CNTNAP2: variants seen among roughly 807,000 people sequenced by gnomAD.
CNTNAP2 encodes contactin associated protein 2.
Under a neutral mutation model 155.2 loss-of-function variants are expected in CNTNAP2, and 98 were observed. The ratio of observed to expected loss-of-function variants is 0.63; its 90% CI spans 0.54 to 0.75. The LOEUF (loss-of-function observed/expected upper bound fraction) is 0.75, where lower values mean the gene tolerates loss of function less well. Among genes scored for constraint, CNTNAP2 ranks in the 30% least tolerant of loss-of-function variants. The probability of loss-of-function intolerance (pLI) is 0.00; values close to 1 mark genes in which losing one functional copy is unlikely to be tolerated. For missense variants in CNTNAP2, 1,727 were observed against 1,688.1 expected (o/e 1.02, Z -0.40); for synonymous variants, 651 against 631.2 (o/e 1.03, Z -0.47).
chr7:147,499,901 G>C (rs534076831), intron 11 of CNTNAP2, among the ~76,000 whole-genome samples: 43 of 152,300 alleles, frequency 2.8e-4, no homozygotes, highest in African/African-American at 1.0e-3. Context: ...TGGACAAATA[G>C]AGGGCTTTAT....
At chr7:147,293,569 C>T (rs1805357607) in intron 8 of CNTNAP2, among the ~76,000 whole-genome samples, 1 of 152,104 alleles carries the variant, frequency 6.6e-6, no homozygotes, top group Non-Finnish European at 1.5e-5. Context: ...GAATATTGAT[C>T]ACAAGACTGA....
At chr7:146,344,732 C>T (rs112002162) in intron 1 of CNTNAP2, among the ~76,000 whole-genome samples, 139 of 152,306 alleles carry the variant, frequency 9.1e-4, no homozygotes, top group African/African-American at 3.0e-3. Flanking sequence ...CCCACCTCGG[C>T]CTCCCAAAGT....
intron 12 of CNTNAP2, among the ~76,000 whole-genome samples, chr7:147,636,603 C>T (rs1312594326): frequency 6.6e-6 from 1 of 152,022 alleles, no homozygotes; most frequent in Non-Finnish European, 1.5e-5. Context: ...TTACCCTGCA[C>T]CCCCCAACAA....
At chr7:147,962,915 T>C (rs371252268) in intron 14 of CNTNAP2, among the ~76,000 whole-genome samples, 4 of 152,166 alleles carry the variant, frequency 2.6e-5, no homozygotes, top group African/African-American at 9.7e-5. Context: ...AAAATATGGA[T>C]GTCATAAATT....
chr7:148,369,112 G>C (rs1041460148), intron 21 of CNTNAP2, among the ~76,000 whole-genome samples: 1 of 148,972 alleles, frequency 6.7e-6, no homozygotes, highest in Non-Finnish European at 1.5e-5. Context: ...CTAATACATG[G>C]TAATAACCCC....
At chr7:148,413,401 A>AATAT (rs1226281346) in intron 23 of CNTNAP2, among the ~76,000 whole-genome samples, 12 of 45,296 alleles carry the variant, frequency 2.6e-4, no homozygotes, top group African/African-American at 5.1e-4. Flanking sequence ...TCAAAAAAAA[A>AATAT]ATATATATAT....
chr7:147,323,851 T>C (rs1317487483), intron 9 of CNTNAP2, among the ~76,000 whole-genome samples: 1 of 151,398 alleles, frequency 6.6e-6, no homozygotes, highest in Middle Eastern at 3.4e-3. Flanking sequence ...CCAATCATAT[T>C]TCTGTTCTCC....
intron 1 of CNTNAP2, among the ~76,000 whole-genome samples, chr7:146,293,326 A>T (rs1048292980): frequency 2.6e-5 from 4 of 152,162 alleles, no homozygotes; most frequent in African/African-American, 9.7e-5. Flanking sequence ...GAAGTTGTTC[A>T]GTTTTAGACC....
intron 21 of CNTNAP2, among the ~76,000 whole-genome samples, chr7:148,373,085 A>G (rs1798919635): frequency 6.6e-6 from 1 of 152,138 alleles, no homozygotes; most frequent in South Asian, 2.1e-4. Flanking sequence ...TCCTGTGATA[A>G]CAATGCCTTC....
intron 9 of CNTNAP2, among the ~76,000 whole-genome samples, chr7:147,304,404 G>A (rs750960492): frequency 1.2e-4 from 18 of 152,254 alleles, no homozygotes; most frequent in East Asian, 3.9e-4. Context: ...GACTGTTTAC[G>A]TGGTAATAAG....
chr7:147,118,941 A>G (rs996134639), intron 5 of CNTNAP2, among the ~76,000 whole-genome samples: 1 of 152,210 alleles, frequency 6.6e-6, no homozygotes, highest in Non-Finnish European at 1.5e-5. Flanking sequence ...TCTTCATAAT[A>G]TTCTCTGCTT....
intron 15 of CNTNAP2, among the ~76,000 whole-genome samples, chr7:148,051,249 G>A (rs1585098091): frequency 6.6e-6 from 1 of 152,202 alleles, no homozygotes; most frequent in East Asian, 1.9e-4. Flanking sequence ...TATCATTTTT[G>A]TATTAAGTTG....
chr7:146,317,116 A>G (rs1800920564), intron 1 of CNTNAP2, among the ~76,000 whole-genome samples: 1 of 152,214 alleles, frequency 6.6e-6, no homozygotes. Context: ...ATTTATTCAT[A>G]TACATTTTAA....
intron 1 of CNTNAP2, among the ~76,000 whole-genome samples, chr7:146,189,807 T>G (rs1798676163): frequency 6.6e-6 from 1 of 152,228 alleles, no homozygotes; most frequent in Non-Finnish European, 1.5e-5. Flanking sequence ...TCATTTAATG[T>G]AATCATTTGA....
chr7:146,153,025 T>C (rs951947385), intron 1 of CNTNAP2, among the ~76,000 whole-genome samples: 1 of 152,198 alleles, frequency 6.6e-6, no homozygotes, highest in South Asian at 2.1e-4. Context: ...TTGGTACTTG[T>C]CCTCATAGGG....
intron 14 of CNTNAP2, among the ~76,000 whole-genome samples, chr7:147,929,600 T>C (rs1437326303): frequency 6.6e-6 from 1 of 152,226 alleles, no homozygotes; most frequent in Non-Finnish European, 1.5e-5. Flanking sequence ...TTCTGGTTTT[T>C]GCAAATAGTA....
At chr7:146,891,380 G>A (rs1250575866) in intron 3 of CNTNAP2, among the ~76,000 whole-genome samples, 2 of 152,020 alleles carry the variant, frequency 1.3e-5, no homozygotes, top group South Asian at 2.1e-4. Context: ...ACATCTGCAC[G>A]TATACCCCCG....
intron 15 of CNTNAP2, among the ~76,000 whole-genome samples, chr7:148,111,748 G>A (rs77443174): frequency 0.012 from 1,871 of 152,260 alleles, 28 homozygotes; most frequent in South Asian, 0.042. Context: ...TTGCTTTCCC[G>A]GTAGCAGCCC....
chr7:146,182,772 C>T (rs578208494), intron 1 of CNTNAP2, among the ~76,000 whole-genome samples: 2 of 152,256 alleles, frequency 1.3e-5, no homozygotes, highest in South Asian at 4.1e-4. Context: ...CTGATCCAGC[C>T]TCACACATCG....
Sources: gnomAD v4.1 joint callset for allele counts (sites outside exome capture counted in the v4.1 genomes callset) on GRCh38, gnomAD v4.1.1 for gene constraint, MANE v1.5 for transcripts, NCBI Gene and HGNC (gene_info 2026-07-23, HGNC 2026-07-21) for gene names.